Variants in THRB observed in about 807,000 individuals in gnomAD.
The protein encoded by THRB is thyroid hormone receptor beta, also known as nuclear receptor subfamily 1 group A member 2.
Under a neutral mutation model 47.8 loss-of-function variants are expected in THRB, and 12 were observed. The observed-to-expected ratio is 0.25, with a 90% CI of 0.16 to 0.41. The LOEUF is 0.41. Ranked by LOEUF, THRB falls within the 10% of genes least tolerant of loss-of-function variation. The probability of loss-of-function intolerance (pLI) is 1.00; values close to 1 mark genes in which losing one functional copy is unlikely to be tolerated. For synonymous variants in THRB, 218 were observed against 212.2 expected (o/e 1.03, Z -0.24); for missense variants, 348 against 589.2 (o/e 0.59, Z 4.24).
chr3:24,460,167 C>G (rs1413772616), intron 1 of THRB, among the ~76,000 whole-genome samples: 3 of 152,196 alleles, frequency 2.0e-5, no homozygotes, highest in Non-Finnish European at 4.4e-5. Context: ...CTGGTGAACT[C>G]TGTCTTTAAA....
chr3:24,466,662 C>G (rs1338582500), intron 1 of THRB, among the ~76,000 whole-genome samples: 1 of 152,082 alleles, frequency 6.6e-6, no homozygotes, highest in Non-Finnish European at 1.5e-5. Flanking sequence ...CTTCCCAGGG[C>G]ATATAAAACT....
chr3:24,449,623 C>A (rs867992005), intron 1 of THRB, among the ~76,000 whole-genome samples: 1 of 152,080 alleles, frequency 6.6e-6, no homozygotes, highest in Non-Finnish European at 1.5e-5. Context: ...CTGCATAATG[C>A]TTGTCTGTAT....
chr3:24,464,319 A>G (rs981320510), intron 1 of THRB, among the ~76,000 whole-genome samples: 2 of 152,216 alleles, frequency 1.3e-5, no homozygotes, highest in African/African-American at 4.8e-5. Context: ...TACAACACAA[A>G]TGCACAGATA....
chr3:24,154,572 A>G (rs1294679767), intron 5 of THRB, among the ~76,000 whole-genome samples: 1 of 152,158 alleles, frequency 6.6e-6, no homozygotes, highest in Non-Finnish European at 1.5e-5. Context: ...ACCACTTTAC[A>G]CTCACTAGTA....
intron 1 of THRB, among the ~76,000 whole-genome samples, chr3:24,340,748 G>T (rs1256617761): frequency 6.6e-6 from 1 of 152,074 alleles, no homozygotes; most frequent in South Asian, 2.1e-4. Flanking sequence ...ATTCTATAGA[G>T]GTTGTTTCAA....
intron 1 of THRB, among the ~76,000 whole-genome samples, chr3:24,376,872 A>G (rs1177890886): frequency 6.6e-6 from 1 of 152,158 alleles, no homozygotes; most frequent in African/African-American, 2.4e-5. Flanking sequence ...AAATTACTAC[A>G]TATGTGATCT....
intron 1 of THRB, among the ~76,000 whole-genome samples, chr3:24,372,842 A>G (rs2065016231): frequency 6.6e-6 from 1 of 152,138 alleles, no homozygotes; most frequent in African/African-American, 2.4e-5. Flanking sequence ...ACCATAAAAA[A>G]CAAAGACTTC....
At chr3:24,441,019 A>G (rs924325716) in intron 1 of THRB, among the ~76,000 whole-genome samples, 1 of 152,186 alleles carries the variant, frequency 6.6e-6, no homozygotes, top group Non-Finnish European at 1.5e-5. Context: ...AAACTCAGCT[A>G]TGGCTTGGGG....
At chr3:24,277,488 C>T (rs1405491959) in intron 3 of THRB, among the ~76,000 whole-genome samples, 1 of 152,164 alleles carries the variant, frequency 6.6e-6, no homozygotes. Flanking sequence ...GGAGCAAACC[C>T]AAGAATTTGC....
chr3:24,272,336 ACT>A (rs1297807292), intron 3 of THRB, among the ~76,000 whole-genome samples: 1 of 135,098 alleles, frequency 7.4e-6, no homozygotes. Flanking sequence ...ACAGAGTAAG[ACT>A]CTCTCTCAAA....
intron 1 of THRB, among the ~76,000 whole-genome samples, chr3:24,352,967 G>GT (rs1181884576): frequency 6.6e-6 from 1 of 151,982 alleles, no homozygotes; most frequent in African/African-American, 2.4e-5. Flanking sequence ...ATAAACTCTA[G>GT]TTTTTTCATT....
At chr3:24,389,833 A>G (rs2066424063) in intron 1 of THRB, among the ~76,000 whole-genome samples, 1 of 152,158 alleles carries the variant, frequency 6.6e-6, no homozygotes, top group African/African-American at 2.4e-5. Context: ...AATACTCAAC[A>G]AGCAGGAATC....
chr3:24,266,343 T>C (rs1172547617), intron 3 of THRB, among the ~76,000 whole-genome samples: 5 of 152,174 alleles, frequency 3.3e-5, no homozygotes, highest in Non-Finnish European at 7.3e-5. Flanking sequence ...TGTGGCGGTG[T>C]GGCTCCAGCT....
At chr3:24,277,713 G>C (rs558398949) in intron 3 of THRB, among the ~76,000 whole-genome samples, 110 of 152,198 alleles carry the variant, frequency 7.2e-4, no homozygotes, top group Non-Finnish European at 1.2e-3. Context: ...GAAATATGTA[G>C]AATTAAGCTA....
At chr3:24,238,169 T>C (rs1433217608) in intron 3 of THRB, 2 of 150,772 alleles carry the variant, frequency 1.3e-5, no homozygotes, top group Admixed American at 6.7e-5. Context: ...CTTCAGCAGA[T>C]GCCCCTTTGG....
At chr3:24,453,239 T>C (rs1229473492) in intron 1 of THRB, among the ~76,000 whole-genome samples, 1 of 152,250 alleles carries the variant, frequency 6.6e-6, no homozygotes, top group African/African-American at 2.4e-5. Flanking sequence ...TGCCAGGTAC[T>C]CTTGTGATGC....
At chr3:24,123,249 T>C in intron 10 of THRB, 124 bp from the exon 11 acceptor site, 1 of 1,421,646 alleles carries the variant, frequency 7.0e-7, no homozygotes, top group Non-Finnish European at 9.8e-7. Context: ...GCCATGAGCA[T>C]GGATGCAGCG....
intron 2 of THRB, among the ~76,000 whole-genome samples, chr3:24,324,103 G>A (rs547654506): frequency 3.9e-5 from 6 of 152,078 alleles, no homozygotes; most frequent in Admixed American, 3.3e-4. Context: ...CTCACCCCAC[G>A]CTTCATCTCA....
chr3:24,188,271 T>G (rs1359740502), intron 5 of THRB, among the ~76,000 whole-genome samples: 1 of 152,232 alleles, frequency 6.6e-6, no homozygotes, highest in Non-Finnish European at 1.5e-5. Context: ...TGACAGTTGC[T>G]ATTCAGAGAG....
Sources: gnomAD v4.1 joint callset for allele counts (sites outside exome capture counted in the v4.1 genomes callset) on GRCh38, gnomAD v4.1.1 for gene constraint, MANE v1.5 for transcripts, NCBI Gene and HGNC (gene_info 2026-07-23, HGNC 2026-07-21) for gene names.